The following SKAP1 variants were observed in gnomAD, a reference collection of about 807,000 sequenced individuals.
SKAP1 encodes the protein src kinase associated phosphoprotein 1, also known as src kinase-associated phosphoprotein 1.
In SKAP1, 44 loss-of-function variants were observed where a neutral mutation model predicts 58.5. The ratio of observed to expected loss-of-function variants is 0.75; its 90% CI spans 0.59 to 0.97. The LOEUF is 0.97. Among genes scored for constraint, SKAP1 ranks in the 50% least tolerant of loss-of-function variants. The pLI, the probability that SKAP1 is intolerant of heterozygous loss-of-function variation, is 0.00. For missense variants in SKAP1, 390 were observed against 435.2 expected (o/e 0.90, Z 0.92); for synonymous variants, 127 against 149.7 (o/e 0.85, Z 1.11).
chr17:48,206,769 G>C (rs2064815364), intron 4 of SKAP1, among the ~76,000 whole-genome samples: 1 of 152,124 alleles, frequency 6.6e-6, no homozygotes, highest in Admixed American at 6.5e-5. Context: ...AAAATGGAAA[G>C]GGGTTGCCTC....
At chr17:48,377,129 C>G (rs1020795734) in intron 2 of SKAP1, 1 of 151,848 alleles carries the variant, frequency 6.6e-6, no homozygotes, top group African/African-American at 2.4e-5. Flanking sequence ...TAGGCTGTGA[C>G]GTCATGGAAA....
At chr17:48,443,181 G>T in the SKAP1 span, among the ~76,000 whole-genome samples, 2 of 152,210 alleles carry the variant, frequency 1.3e-5, no homozygotes, top group Non-Finnish European at 2.9e-5. Flanking sequence ...TGGCTCCCCA[G>T]ACTGGGTTAT....
At chr17:48,329,186 TGTG>T (rs2066474112) in intron 4 of SKAP1, among the ~76,000 whole-genome samples, 1 of 152,126 alleles carries the variant, frequency 6.6e-6, no homozygotes, top group Admixed American at 6.5e-5. Flanking sequence ...TGGAAGACAA[TGTG>T]GTGTAGTGGG....
intron 8 of SKAP1, among the ~76,000 whole-genome samples, chr17:48,181,592 T>C (rs1313411073): frequency 6.6e-6 from 1 of 152,214 alleles, no homozygotes; most frequent in South Asian, 2.1e-4. Flanking sequence ...TATAGCAGAA[T>C]AAAAATCTGA....
chr17:48,285,347 T>C (rs1434985481), intron 4 of SKAP1, among the ~76,000 whole-genome samples: 1 of 152,224 alleles, frequency 6.6e-6, no homozygotes, highest in African/African-American at 2.4e-5. Context: ...CCGGGCACTG[T>C]GGCTCATGCC....
intron 4 of SKAP1, among the ~76,000 whole-genome samples, chr17:48,254,452 A>G (rs1199871819): frequency 6.6e-6 from 1 of 152,120 alleles, no homozygotes; most frequent in Non-Finnish European, 1.5e-5. Context: ...TTCTTGATAC[A>G]TAGTATAAGC....
intron 9 of SKAP1, among the ~76,000 whole-genome samples, chr17:48,176,097 C>T (rs1299918125): frequency 6.6e-6 from 1 of 152,154 alleles, no homozygotes; most frequent in Non-Finnish European, 1.5e-5. Flanking sequence ...CCATTTGACT[C>T]AAAATTTTAA....
chr17:48,228,203 TAGAG>T lies in SKAP1; in HGVS notation c.281-38707_281-38704del, dbSNP rs554631773. On this transcript the variant is annotated intron_variant, in intron 4 of 12. Coordinates refer to ENST00000336915, the MANE Select transcript of SKAP1 (RefSeq NM_003726.4). ...AGAGAGAGAGAAAGACAAAGAGAGA[TAGAG>T]AGATAGAGAGATTGAATGAGCATGA... 2.0e-3 allele frequency among the ~76,000 whole-genome samples: 308 copies of T among 151,810 alleles called. 2 individuals are homozygous for T. The highest frequency in any genetic ancestry group is 3.6e-3 in the Non-Finnish European group (246 of 67,878).
At chr17:48,382,763 A>G (rs962062881) in intron 2 of SKAP1, among the ~76,000 whole-genome samples, 7 of 152,186 alleles carry the variant, frequency 4.6e-5, no homozygotes, top group Non-Finnish European at 1.0e-4. Context: ...CATCTTAACC[A>G]AAAGTTGGAA....
At chr17:48,223,985 G>A (rs1242713576) in intron 4 of SKAP1, among the ~76,000 whole-genome samples, 1 of 147,462 alleles carries the variant, frequency 6.8e-6, no homozygotes, top group Admixed American at 6.9e-5. Flanking sequence ...AGAGTACCTT[G>A]AGCTGAACTC....
intron 4 of SKAP1, among the ~76,000 whole-genome samples, chr17:48,345,524 A>G (rs1193610417): frequency 1.3e-5 from 2 of 152,178 alleles, no homozygotes; most frequent in African/African-American, 4.8e-5. Context: ...ATAATCCAAC[A>G]ATCATTAAAT....
chr17:48,139,886 AC>A (rs2063747477), intron 11 of SKAP1, among the ~76,000 whole-genome samples: 3 of 152,140 alleles, frequency 2.0e-5, no homozygotes, highest in Admixed American at 2.0e-4. Context: ...CTGGTTTAAG[AC>A]TACCCCTCAC....
chr17:48,279,107 G>A (rs969802321), intron 4 of SKAP1, among the ~76,000 whole-genome samples: 2 of 152,136 alleles, frequency 1.3e-5, no homozygotes, highest in Non-Finnish European at 2.9e-5. Flanking sequence ...TGGAGGATGA[G>A]GCCACTTAAC....
chr17:48,322,658 T>C (rs2066383602), intron 4 of SKAP1, among the ~76,000 whole-genome samples: 1 of 152,202 alleles, frequency 6.6e-6, no homozygotes, highest in African/African-American at 2.4e-5. Flanking sequence ...AACTTTCTTA[T>C]TTTGGAGAGA....
intron 4 of SKAP1, among the ~76,000 whole-genome samples, chr17:48,258,937 C>T (rs7211607): frequency 0.24 from 36,715 of 151,854 alleles, 4,625 homozygotes; most frequent in African/African-American, 0.31. Flanking sequence ...GGTACCTGTA[C>T]CTACAATGTG....
chr17:48,417,255 AT>A (rs762228236), intron 1 of SKAP1, among the ~76,000 whole-genome samples: 10 of 152,192 alleles, frequency 6.6e-5, no homozygotes, highest in Non-Finnish European at 1.0e-4. Flanking sequence ...CAGTGTTTGT[AT>A]TTTTAATTTT....
intron 7 of SKAP1, among the ~76,000 whole-genome samples, chr17:48,182,673 A>G (rs2064385683): frequency 6.6e-6 from 1 of 152,198 alleles, no homozygotes; most frequent in South Asian, 2.1e-4. Flanking sequence ...CAGCTCTTTG[A>G]GTCTAGACAT....
intron 3 of SKAP1, among the ~76,000 whole-genome samples, chr17:48,350,217 A>T (rs1420967508): frequency 3.1e-5 from 4 of 128,716 alleles, no homozygotes; most frequent in African/African-American, 7.6e-5. Flanking sequence ...TTTAAGCATT[A>T]AAAAAAGTGA....
chr17:48,367,581 C>CCATATATATATATATATATAATA (rs2067025488), intron 2 of SKAP1, among the ~76,000 whole-genome samples: 1 of 63,068 alleles, frequency 1.6e-5, no homozygotes, highest in Admixed American at 1.6e-4. Flanking sequence ...TATATATAAT[C>CCATATATATATATATATATAATA]ATACTGTACA....
Sources: allele counts gnomAD v4.1 joint callset (sites outside exome capture counted in the v4.1 genomes callset), GRCh38; gene constraint gnomAD v4.1.1; transcripts MANE v1.5; gene names NCBI Gene and HGNC (gene_info 2026-07-23, HGNC 2026-07-21).